The following AGPS variants were observed in gnomAD, a reference collection of about 807,000 sequenced individuals.
AGPS encodes alkylglycerone phosphate synthase.
A neutral mutation model predicts 90.7 loss-of-function variants in AGPS; 26 were observed. The ratio of observed to expected loss-of-function variants is 0.29; its 90% confidence interval spans 0.21 to 0.40. AGPS has a LOEUF of 0.40. AGPS is among the 10% of genes least tolerant of loss of function. The pLI, the probability that AGPS is intolerant of heterozygous loss-of-function variation, is 1.00. For missense variants in AGPS, 540 were observed against 816.1 expected, an observed-to-expected ratio of 0.66 and a Z score of 4.12; for synonymous variants, 294 against 285.3, an observed-to-expected ratio of 1.03 and a Z score of -0.31.
intron 19 of AGPS, among the ~76,000 whole-genome samples, chr2:177,529,761 A>C (rs942841884): frequency 6.6e-6 from 1 of 152,202 alleles, no homozygotes; most frequent in Non-Finnish European, 1.5e-5. Context: ...TCTTAAAACC[A>C]ATATAAATTT....
intron 7 of AGPS, 44 bp downstream of exon 7, chr2:177,442,530 G>A: frequency 7.0e-7 from 1 of 1,431,970 alleles, no homozygotes; most frequent in Non-Finnish European, 9.8e-7. Context: ...TTCTTTATTG[G>A]CTCCACCTTA....
At chr2:177,428,094 C>G (rs1686132829) in intron 2 of AGPS, among the ~76,000 whole-genome samples, 3 of 152,106 alleles carry the variant, frequency 2.0e-5, no homozygotes, top group African/African-American at 7.2e-5. Flanking sequence ...TCTTCTTTGT[C>G]TTTTTTGGTC....
chr2:177,444,200 C>G (rs1173789334), intron 7 of AGPS, among the ~76,000 whole-genome samples: 2 of 151,972 alleles, frequency 1.3e-5, no homozygotes, highest in Non-Finnish European at 2.9e-5. Context: ...GTGGGCAGAT[C>G]ATCTGAGGCC....
At chr2:177,517,960 A>G (rs187351371) in intron 17 of AGPS, among the ~76,000 whole-genome samples, 344 of 152,302 alleles carry the variant, frequency 2.3e-3, no homozygotes, top group Non-Finnish European at 2.7e-3. Context: ...CAAGTTACAC[A>G]TTTCAGCAAG....
chr2:177,466,353 C>T (rs1687448084), intron 9 of AGPS, among the ~76,000 whole-genome samples: 1 of 152,204 alleles, frequency 6.6e-6, no homozygotes, highest in Non-Finnish European at 1.5e-5. Context: ...CTGATTGGTC[C>T]ATGGGTGGTT....
chr2:177,393,260 C>T (rs997442004), intron 1 of AGPS: 142 of 985,178 alleles, frequency 1.4e-4, no homozygotes, highest in Non-Finnish European at 1.6e-4. Flanking sequence ...GGATTTTGGT[C>T]ACTATGTGAG....
chr2:177,420,109 G>A (rs548842516), intron 1 of AGPS, among the ~76,000 whole-genome samples, 160 bp from the exon 2 acceptor site: 3 of 151,854 alleles, frequency 2.0e-5, no homozygotes, highest in Middle Eastern at 3.4e-3. Flanking sequence ...AGAAATATTA[G>A]TATATGGACA....
chr2:177,470,702 C>T lies in AGPS; in HGVS notation c.1105+2178C>T, dbSNP rs1375452714. On this transcript the variant is annotated intron_variant, in intron 10 of 19. Transcript: ENST00000264167. The stretch of plus-strand genomic sequence containing the variant: ...CTCCAGCCTGGGTGATGGAGTGAGA[C>T]TTTGTCTCAAAAAAAAAAAAAAAGA... Among the ~76,000 whole-genome samples, 21 of 94,560 alleles carry T rather than the reference C, an allele frequency of 2.2e-4. No homozygotes were observed. In the Admixed American group the frequency reaches 2.7e-3, roughly 12 times the overall value. 62.0% of individuals were successfully genotyped at this position (94,560 alleles called of 152,430 possible). A position where few individuals can be genotyped will look rare whatever the true frequency, so the allele number is the denominator to read the frequency against.
At chr2:177,521,698 G>A (rs1689197570) in intron 18 of AGPS, among the ~76,000 whole-genome samples, 1 of 152,112 alleles carries the variant, frequency 6.6e-6, no homozygotes, top group Non-Finnish European at 1.5e-5. Flanking sequence ...ATTTCCACAT[G>A]GTGGTTGCTG....
chr2:177,481,984 A>T, intron 10 of AGPS, 75 bp from the exon 11 acceptor site: 1 of 1,350,336 alleles, frequency 7.4e-7, no homozygotes, highest in Non-Finnish European at 1.0e-6. Flanking sequence ...TTGAATTAAT[A>T]GATTAAATAG....
chr2:177,422,050 A>G (rs991451649), intron 2 of AGPS, among the ~76,000 whole-genome samples: 4 of 152,056 alleles, frequency 2.6e-5, no homozygotes, highest in African/African-American at 9.7e-5. Flanking sequence ...ATCACAGGTA[A>G]TTATACCTTA....
At chr2:177,531,163 G>C (rs575952446) in intron 19 of AGPS, among the ~76,000 whole-genome samples, 3 of 152,120 alleles carry the variant, frequency 2.0e-5, no homozygotes, top group Admixed American at 2.0e-4. Flanking sequence ...AATCAGTTTA[G>C]GGCCATTTGT....
intron 11 of AGPS, among the ~76,000 whole-genome samples, chr2:177,482,505 A>G (rs1351440116): frequency 1.3e-5 from 2 of 151,970 alleles, no homozygotes; most frequent in Admixed American, 1.3e-4. Flanking sequence ...ATTGACTGTT[A>G]TGTGTCTTAA....
chr2:177,477,432 G>T (rs1687814302), intron 10 of AGPS, among the ~76,000 whole-genome samples: 1 of 152,038 alleles, frequency 6.6e-6, no homozygotes, highest in Non-Finnish European at 1.5e-5. Context: ...TACAGGTTGA[G>T]CATCCAAACA....
rs370341852 is a variant in AGPS at position 177,418,012 on chromosome 2, T to C, written c.261-2257T>C. 6.6e-5 allele frequency among the ~76,000 whole-genome samples: 10 copies of C among 152,198 alleles called. No homozygotes were observed. The East Asian group carries it at 9.6e-4, about 15-fold the overall frequency. ...AAGATTGGTTTGGGGGTAATCTAGA[T>C]TTTAATTGTATATGATTTATGCATA... On this transcript the variant is annotated intron_variant, in intron 1 of 19. Coordinates refer to ENST00000264167, the MANE Select transcript of AGPS (RefSeq NM_003659.4).
At chr2:177,534,833 A>G (rs59972556) in intron 19 of AGPS, among the ~76,000 whole-genome samples, 127,704 of 151,856 alleles carry the variant, frequency 0.84, 53,893 homozygotes, top group East Asian at 0.95. Flanking sequence ...TCCTGGGCTT[A>G]AATGATCTTC....
chr2:177,523,156 G>A (rs1469501647), intron 18 of AGPS, among the ~76,000 whole-genome samples: 2 of 152,090 alleles, frequency 1.3e-5, no homozygotes, highest in African/African-American at 4.8e-5. Context: ...TCTCCATAAA[G>A]GCATTTATGG....
intron 19 of AGPS, among the ~76,000 whole-genome samples, chr2:177,532,242 A>G (rs778566810): frequency 6.6e-6 from 1 of 152,210 alleles, no homozygotes; most frequent in African/African-American, 2.4e-5. Context: ...TATCTATTAT[A>G]TATAAATCTC....
chr2:177,457,074 A>G (rs910144598), intron 8 of AGPS, among the ~76,000 whole-genome samples: 5 of 152,178 alleles, frequency 3.3e-5, no homozygotes, highest in African/African-American at 1.2e-4. Context: ...AAACTGAACA[A>G]CCTGCTCTTG....
Sources: gnomAD v4.1 joint callset for allele counts (sites outside exome capture counted in the v4.1 genomes callset) on GRCh38, gnomAD v4.1.1 for gene constraint, MANE v1.5 for transcripts, NCBI Gene and HGNC (gene_info 2026-07-23, HGNC 2026-07-21) for gene names.